Variants in HTR4 observed in about 807,000 individuals in gnomAD.
HTR4 encodes the protein 5-hydroxytryptamine (serotonin) receptor 4, G protein-coupled.
HTR4 carries 16 observed loss-of-function variants against 36.8 expected under a neutral mutation model. The observed-to-expected ratio is 0.43, with a 90% CI of 0.29 to 0.66. The LOEUF is 0.66. HTR4 is among the 30% of genes least tolerant of loss of function. The pLI, the probability that HTR4 is intolerant of heterozygous loss-of-function variation, is 0.13. For synonymous variants in HTR4, 189 were observed against 185.1 expected, an observed-to-expected ratio of 1.02 and a Z score of -0.17; for missense variants, 438 against 490.9, an observed-to-expected ratio of 0.89 and a Z score of 1.02.
At chr5:148,529,376 C>T (rs889251872) in intron 4 of HTR4, among the ~76,000 whole-genome samples, 6 of 152,124 alleles carry the variant, frequency 3.9e-5, no homozygotes, top group South Asian at 2.1e-4. Flanking sequence ...GATTGAATCA[C>T]GGGAGTGCGT....
At chr5:148,651,563 T>G (rs1041214627) in intron 1 of HTR4, among the ~76,000 whole-genome samples, 9 of 152,050 alleles carry the variant, frequency 5.9e-5, no homozygotes, top group African/African-American at 2.2e-4. Flanking sequence ...TGGCATCTAA[T>G]GAGTGCCAGA....
chr5:148,624,916 T>C (rs1335677275), intron 2 of HTR4, among the ~76,000 whole-genome samples: 2 of 152,180 alleles, frequency 1.3e-5, no homozygotes, highest in Non-Finnish European at 2.9e-5. Context: ...ATACCAGGCA[T>C]ACGAAGTCCA....
intron 2 of HTR4, among the ~76,000 whole-genome samples, chr5:148,558,540 A>T (rs1196828908): frequency 1.3e-5 from 2 of 152,226 alleles, no homozygotes; most frequent in East Asian, 3.9e-4. Context: ...CTTTGAAAGG[A>T]AATCATCAAG....
chr5:148,565,294 C>T (rs2086827713), intron 2 of HTR4, among the ~76,000 whole-genome samples: 1 of 151,966 alleles, frequency 6.6e-6, no homozygotes, highest in Non-Finnish European at 1.5e-5. Context: ...GAAACTAAGC[C>T]TGATCAATGA....
chr5:148,544,715 T>C (rs575116142), intron 4 of HTR4, among the ~76,000 whole-genome samples: 15 of 152,344 alleles, frequency 9.8e-5, no homozygotes, highest in African/African-American at 3.1e-4. Flanking sequence ...TAAATTCTTA[T>C]TAACAGAATT....
At chr5:148,510,190 A>G (rs1757431369) in intron 5 of HTR4, among the ~76,000 whole-genome samples, 166 bp from the exon 6 acceptor site, 1 of 152,116 alleles carries the variant, frequency 6.6e-6, no homozygotes. Context: ...AGGAAAGAAA[A>G]TGGGAGAATA....
At chr5:148,617,455 G>T (rs1752742842) in intron 2 of HTR4, among the ~76,000 whole-genome samples, 1 of 143,644 alleles carries the variant, frequency 7.0e-6, no homozygotes, top group Non-Finnish European at 1.6e-5. Context: ...CCCTAGTCAA[G>T]TCTCTCTCTT....
chr5:148,533,841 T>C (rs537752143), intron 4 of HTR4, among the ~76,000 whole-genome samples: 1 of 152,328 alleles, frequency 6.6e-6, no homozygotes, highest in Non-Finnish European at 1.5e-5. Flanking sequence ...GTTTAAAACA[T>C]AGGAAGTTCT....
chr5:148,452,519 GTGT>G (rs2113683036), intron 5 of HTR4, among the ~76,000 whole-genome samples: 1 of 152,306 alleles, frequency 6.6e-6, no homozygotes, highest in African/African-American at 2.4e-5. Context: ...ATGCTGATCA[GTGT>G]TGTACGATAC....
chr5:148,532,278 A>G (rs921452555), intron 4 of HTR4, among the ~76,000 whole-genome samples: 1 of 152,170 alleles, frequency 6.6e-6, no homozygotes, highest in Admixed American at 6.5e-5. Flanking sequence ...CCTAAAAAAG[A>G]AAATGATCTA....
chr5:148,522,801 G>T (rs1420777391), intron 5 of HTR4, among the ~76,000 whole-genome samples: 1 of 152,090 alleles, frequency 6.6e-6, no homozygotes, highest in Non-Finnish European at 1.5e-5. Flanking sequence ...AACAAACCTA[G>T]CAGGGCTCTT....
At position 148,635,278 on chromosome 5, in the gene HTR4, A is replaced by G. The variant is rs1753491195; in HGVS notation, c.26+1711T>C. On this transcript the variant is annotated intron_variant, in intron 2 of 6. Coordinates refer to ENST00000377888, the MANE Select transcript of HTR4 (RefSeq NM_000870.7). ...ATTTGGTAAATGTGAGCCTAAAAAC[A>G]TCTTTTATTATGGACATTCAAAGGC... is the stretch of plus-strand genomic sequence containing the variant. 2.6e-5 allele frequency among the ~76,000 whole-genome samples: 4 copies of G among 152,298 alleles called. No homozygotes were observed. In the South Asian group the frequency reaches 8.3e-4, roughly 32 times the overall value.
At chr5:148,476,656 G>C (rs1461502654), downstream of HTR4, 1 of 1,589,348 alleles carries the variant, frequency 6.3e-7, no homozygotes, top group African/African-American at 1.4e-5. Flanking sequence ...GAATTTATTT[G>C]ATAACTTCAG....
At chr5:148,461,510 T>A (rs1755277727) in intron 5 of HTR4, among the ~76,000 whole-genome samples, 4 of 151,956 alleles carry the variant, frequency 2.6e-5, no homozygotes, top group Admixed American at 2.6e-4. Flanking sequence ...AGAAAAGTTA[T>A]CAGAGATAAA....
At position 148,645,159 on chromosome 5, in the gene HTR4, A is replaced by C. The variant is rs1038112243; in HGVS notation, c.-47-8098T>G. ...AAGAATCATGAAGGAGTAGAATTCA[A>C]ATGGCTGAAGTTTGAGAAATGCAGG... is the stretch of plus-strand genomic sequence containing the variant. On this transcript the variant is annotated intron_variant, in intron 1 of 6. Transcript: ENST00000377888. The C allele has an allele frequency of 1.1e-4, 16 of 152,310 alleles. No individual in the cohort carries two copies. In the East Asian group the frequency reaches 3.1e-3, roughly 29 times the overall value. 9.4% of individuals were successfully genotyped at this position (152,310 alleles called of 1,614,324 possible).
intron 2 of HTR4, among the ~76,000 whole-genome samples, chr5:148,564,441 CACTA>C (rs1760351090): frequency 6.6e-6 from 1 of 152,210 alleles, no homozygotes; most frequent in African/African-American, 2.4e-5. Context: ...CTCCCAACCA[CACTA>C]ACTTACTGAT....
chr5:148,601,802 A>G (rs998628342), intron 2 of HTR4, among the ~76,000 whole-genome samples: 1 of 152,120 alleles, frequency 6.6e-6, no homozygotes, highest in Non-Finnish European at 1.5e-5. Context: ...CCCTATCTCA[A>G]TAAATAAATA....
At chr5:148,641,108 T>A (rs1285716038) in intron 1 of HTR4, among the ~76,000 whole-genome samples, 1 of 152,194 alleles carries the variant, frequency 6.6e-6, no homozygotes, top group African/African-American at 2.4e-5. Context: ...TAGGAACATC[T>A]CTTGCTGGGA....
chr5:148,616,797 GTTATAAC>G (rs1453324627), intron 2 of HTR4, among the ~76,000 whole-genome samples: 1 of 152,016 alleles, frequency 6.6e-6, no homozygotes, highest in African/African-American at 2.4e-5. Context: ...ATATAAAAAA[GTTATAAC>G]TTACCTTATA....
Sources: allele counts gnomAD v4.1 joint callset (sites outside exome capture counted in the v4.1 genomes callset), GRCh38; gene constraint gnomAD v4.1.1; transcripts MANE v1.5; gene names NCBI Gene and HGNC (gene_info 2026-07-23, HGNC 2026-07-21).